Variants in SDK1 observed in about 807,000 individuals in gnomAD.
The protein encoded by SDK1 is sidekick cell adhesion molecule 1, also known as protein sidekick-1.
Under a neutral mutation model 245.5 loss-of-function variants are expected in SDK1, and 157 were observed. That is an observed-to-expected ratio of 0.64 (90% CI 0.56 to 0.73). The LOEUF is 0.73. Among genes scored for constraint, SDK1 ranks in the 30% least tolerant of loss-of-function variants. The probability of loss-of-function intolerance (pLI) is 0.00; values close to 1 mark genes in which losing one functional copy is unlikely to be tolerated. For synonymous variants in SDK1, 1,647 were observed against 1,278.5 expected (o/e 1.29, Z -6.15); for missense variants, 3,583 against 3,002.3 (o/e 1.19, Z -4.52).
At chr7:3,464,572 A>C (rs1341747495) in intron 1 of SDK1, among the ~76,000 whole-genome samples, 1 of 152,134 alleles carries the variant, frequency 6.6e-6, no homozygotes, top group Non-Finnish European at 1.5e-5. Context: ...TCATTCTGTC[A>C]GTGGCTCTTT....
In SDK1 at chr7:4,221,740, G is replaced by T. The variant is rs778054929; in HGVS notation, c.5827+376G>T. 3.1e-4 allele frequency among the ~76,000 whole-genome samples: 47 copies of T among 152,260 alleles called. No individual in the cohort carries two copies. In the Middle Eastern group the frequency reaches 0.017, roughly 55 times the overall value. ...GGTTCTAAATGTTTGCTGCCGAGAT[G>T]GAAAACGTCAGGCTTGTTTCTGATA... On this transcript the variant is annotated intron_variant, in intron 40 of 44. Transcript: ENST00000404826.
At chr7:4,221,069 C>T (rs564288067) in intron 39 of SDK1, among the ~76,000 whole-genome samples, 170 bp from the exon 40 acceptor site, 22 of 152,308 alleles carry the variant, frequency 1.4e-4, no homozygotes, top group Admixed American at 5.2e-4. Flanking sequence ...CACGCCCGGC[C>T]TTGCCTCCCT....
intron 1 of SDK1, among the ~76,000 whole-genome samples, chr7:3,540,396 T>C (rs1457259838): frequency 1.3e-5 from 2 of 152,188 alleles, no homozygotes; most frequent in Non-Finnish European, 2.9e-5. Context: ...GAAAGAGTGA[T>C]ACTTCATCTC....
intron 26 of SDK1, among the ~76,000 whole-genome samples, chr7:4,128,600 G>A (rs561563524): frequency 8.8e-4 from 132 of 150,524 alleles, no homozygotes; most frequent in African/African-American, 3.1e-3. Flanking sequence ...GCAGCTTGGG[G>A]TGGGGTCCCC....
chr7:3,604,315 G>T (rs1781347704), intron 1 of SDK1, among the ~76,000 whole-genome samples: 1 of 152,102 alleles, frequency 6.6e-6, no homozygotes, highest in African/African-American at 2.4e-5. Context: ...TCTGGTCCTT[G>T]TATTACTTTT....
At chr7:4,161,925 C>A in intron 32 of SDK1, 69 bp downstream of exon 32, 2 of 1,361,744 alleles carry the variant, frequency 1.5e-6, no homozygotes, top group Non-Finnish European at 2.1e-6. Flanking sequence ...TCAGCCACAA[C>A]GGCTGACATG....
intron 1 of SDK1, among the ~76,000 whole-genome samples, chr7:3,575,263 G>T (rs1251763461): frequency 6.6e-6 from 1 of 151,942 alleles, no homozygotes; most frequent in Non-Finnish European, 1.5e-5. Flanking sequence ...GCATGCATGT[G>T]GGAAAAGGGA....
intron 32 of SDK1, among the ~76,000 whole-genome samples, chr7:4,167,749 G>T (rs1029306958): frequency 6.6e-6 from 1 of 152,232 alleles, no homozygotes; most frequent in Non-Finnish European, 1.5e-5. Flanking sequence ...ACATGCGAAG[G>T]GCTGGGGACA....
At position 3,622,496 on chromosome 7, in the gene SDK1, A is replaced by T. The variant is rs1032455510; in HGVS notation, c.458+3257A>T. ...ACTCCATCTCCAAAAACAAAATTTT[A>T]AAAAAATGGTGTAACGGCTTTATTT... On this transcript the variant is annotated intron_variant, in intron 2 of 44. Coordinates refer to ENST00000404826, the MANE Select transcript of SDK1 (RefSeq NM_152744.4). Among the ~76,000 whole-genome samples the T allele has an allele frequency of 3.9e-5, 6 of 152,202 alleles. No homozygotes were observed. In the East Asian group the frequency reaches 7.7e-4, roughly 20 times the overall value.
chr7:3,431,358 G>GTTTTTT (rs34510123), intron 1 of SDK1, among the ~76,000 whole-genome samples: 2 of 118,358 alleles, frequency 1.7e-5, no homozygotes, highest in African/African-American at 3.4e-5. Flanking sequence ...AATGTGGGAG[G>GTTTTTT]TTTTTTTTTT....
At chr7:3,504,674 G>C (rs1782332527) in intron 1 of SDK1, among the ~76,000 whole-genome samples, 2 of 151,864 alleles carry the variant, frequency 1.3e-5, no homozygotes, top group African/African-American at 4.8e-5. Flanking sequence ...GTGCATTATA[G>C]CTAAAACTAT....
intron 5 of SDK1, among the ~76,000 whole-genome samples, chr7:3,845,798 ATAAAAG>A (rs1422637985): frequency 6.6e-6 from 1 of 152,170 alleles, no homozygotes; most frequent in African/African-American, 2.4e-5. Context: ...AACCAAAATA[ATAAAAG>A]TAAAATAAAA....
At chr7:4,100,704 C>T (rs1782478509) in intron 22 of SDK1, among the ~76,000 whole-genome samples, 1 of 152,142 alleles carries the variant, frequency 6.6e-6, no homozygotes, top group Non-Finnish European at 1.5e-5. Context: ...GAAATGAACT[C>T]CCATTGCTTG....
rs79778242 is a variant in SDK1 at position 3,837,389 on chromosome 7, T to G, written c.847+15806T>G. On this transcript the variant is annotated intron_variant, in intron 5 of 44. Transcript: ENST00000404826. The stretch of plus-strand genomic sequence containing the variant: ...CATGCTAGGACCCCTTTCCCCAGTT[T>G]AAACAGTCTGTGCATTCTCCTAAGG... Among the ~76,000 whole-genome samples the G allele has an allele frequency of 9.2e-3, 1,401 of 152,302 alleles. 22 individuals are homozygous for G. Among genetic ancestry groups the G allele is most frequent in the African/African-American group, 0.032 (1,334 of 41,550 alleles).
chr7:4,190,244 A>G (rs766211468), intron 35 of SDK1, among the ~76,000 whole-genome samples: 11 of 152,150 alleles, frequency 7.2e-5, no homozygotes, highest in Non-Finnish European at 1.3e-4. Flanking sequence ...CGATAATGAC[A>G]TTGTGCAAAC....
intron 5 of SDK1, among the ~76,000 whole-genome samples, chr7:3,862,472 A>G (rs1780717692): frequency 6.6e-6 from 1 of 152,202 alleles, no homozygotes. Context: ...TTAATGCATA[A>G]CATAACTAGG....
At chr7:4,168,360 T>C (rs1297784213) in intron 32 of SDK1, among the ~76,000 whole-genome samples, 19 of 152,356 alleles carry the variant, frequency 1.2e-4, no homozygotes, top group Non-Finnish European at 2.6e-4. Context: ...CTGTGTCTGT[T>C]GGGCAAGGCG....
chr7:3,772,477 C>G (rs1163347084), intron 4 of SDK1, among the ~76,000 whole-genome samples: 1 of 151,984 alleles, frequency 6.6e-6, no homozygotes, highest in Admixed American at 6.6e-5. Flanking sequence ...ATGCATTAGC[C>G]TTTTAAATAA....
intron 5 of SDK1, among the ~76,000 whole-genome samples, chr7:3,836,559 G>A (rs1468309922): frequency 1.3e-5 from 2 of 152,144 alleles, no homozygotes; most frequent in Non-Finnish European, 2.9e-5. Flanking sequence ...CTTTCAATAT[G>A]GTTTGGGATG....
Sources: gnomAD v4.1 joint callset for allele counts (sites outside exome capture counted in the v4.1 genomes callset) on GRCh38, gnomAD v4.1.1 for gene constraint, MANE v1.5 for transcripts, NCBI Gene and HGNC (gene_info 2026-07-23, HGNC 2026-07-21) for gene names.